Variants in PPP2R5E observed in about 807,000 individuals in gnomAD.
PPP2R5E encodes the protein serine/threonine-protein phosphatase 2A 56 kDa regulatory subunit epsilon isoform.
PPP2R5E carries 4 observed loss-of-function variants against 65.3 expected under a neutral mutation model. The observed-to-expected ratio is 0.06, with a 90% CI of 0.03 to 0.14. The LOEUF is 0.14. Among genes scored for constraint, PPP2R5E ranks in the 10% least tolerant of loss-of-function variants. PPP2R5E has a pLI of 1.00. For missense variants in PPP2R5E, 274 were observed against 556.1 expected (o/e 0.49, Z 5.10); for synonymous variants, 183 against 187.4 (o/e 0.98, Z 0.19).
chr14:63,398,085 C>G (rs1279262121), intron 5 of PPP2R5E, among the ~76,000 whole-genome samples: 2 of 152,158 alleles, frequency 1.3e-5, no homozygotes, highest in African/African-American at 2.4e-5. Context: ...TAACCAAATC[C>G]TGATAACATC....
chr14:63,404,381 T>G (rs1885949093), intron 5 of PPP2R5E, among the ~76,000 whole-genome samples: 1 of 152,220 alleles, frequency 6.6e-6, no homozygotes, highest in African/African-American at 2.4e-5. Context: ...TAAAATCAGA[T>G]GTCCACATTT....
intron 3 of PPP2R5E, among the ~76,000 whole-genome samples, chr14:63,439,625 C>T (rs1300316484): frequency 3.3e-5 from 5 of 152,212 alleles, no homozygotes; most frequent in African/African-American, 4.8e-5. Context: ...CCACCCTCCT[C>T]GGCCTCCCAA....
chr14:63,395,387 A>AGAGGAGGAG, intron 6 of PPP2R5E, 102 bp from the exon 7 acceptor site: 4 of 413,300 alleles, frequency 9.7e-6, no homozygotes, highest in South Asian at 9.5e-5. Context: ...GAGGAGGAGA[A>AGAGGAGGAG]GAGGAGGAGG....
At chr14:63,511,161 G>A (rs1306394551) in intron 2 of PPP2R5E, among the ~76,000 whole-genome samples, 1 of 152,220 alleles carries the variant, frequency 6.6e-6, no homozygotes, top group African/African-American at 2.4e-5. Flanking sequence ...AGCTGGACTT[G>A]TAACTCACTT....
Position 63,373,697 on chromosome 14 carries a change from A to G in PPP2R5E, c.*2312T>C, listed in dbSNP as rs899484154. Reference sequence around the variant, plus strand: ...ACTCTTGAAGACAGGGTAAGGTACAAAAAAGGATCCTGGCCTTTCTCATTT... The same window carrying G: ...ACTCTTGAAGACAGGGTAAGGTACAGAAAAGGATCCTGGCCTTTCTCATTT... On this transcript the variant is annotated 3_prime_UTR_variant, in exon 14 of 14. Coordinates refer to ENST00000337537, the MANE Select transcript of PPP2R5E (RefSeq NM_006246.5). The G allele has an allele frequency of 1.3e-5, 2 of 152,208 alleles. No individual in the cohort carries two copies. Among genetic ancestry groups the G allele is most frequent in the African/African-American group, 4.8e-5 (2 of 41,432 alleles). 9.4% of individuals were successfully genotyped at this position (152,208 alleles called of 1,614,324 possible). A position where few individuals can be genotyped will look rare whatever the true frequency, so the allele number is the denominator to read the frequency against.
At chr14:63,400,672 A>T (rs1158380078) in intron 5 of PPP2R5E, among the ~76,000 whole-genome samples, 1 of 114,286 alleles carries the variant, frequency 8.7e-6, no homozygotes, top group Non-Finnish European at 1.7e-5. Flanking sequence ...TCTATCTAGG[A>T]AAGAAAGGCA....
intron 3 of PPP2R5E, among the ~76,000 whole-genome samples, chr14:63,435,157 C>T (rs1477569898): frequency 6.6e-6 from 1 of 152,066 alleles, no homozygotes; most frequent in African/African-American, 2.4e-5. Flanking sequence ...GGGGTGATGA[C>T]TATACAAGTA....
chr14:63,430,868 G>A (rs985325034), intron 3 of PPP2R5E, among the ~76,000 whole-genome samples: 20 of 152,140 alleles, frequency 1.3e-4, no homozygotes, highest in African/African-American at 4.8e-4. Flanking sequence ...TTCCACTTCA[G>A]ACTAGGTATA....
intron 2 of PPP2R5E, among the ~76,000 whole-genome samples, chr14:63,489,697 T>C (rs4902229): frequency 0.33 from 49,755 of 151,944 alleles, 10,824 homozygotes; most frequent in African/African-American, 0.62. Context: ...CATGAGCTGC[T>C]GCGCCCAGCC....
At position 63,442,334 on chromosome 14, in the gene PPP2R5E, C is replaced by G. The variant is rs147963051; in HGVS notation, c.354+11355G>C. On this transcript the variant is annotated intron_variant, in intron 3 of 13. Transcript: ENST00000337537. The stretch of plus-strand genomic sequence containing the variant: ...TGTGCTTCTCAGATATCACTCATTT[C>G]TCTTCCATTATGTATAATTCTAATA... Among the ~76,000 whole-genome samples, 313 of 152,294 alleles carry G rather than the reference C, an allele frequency of 2.1e-3. 1 individual carries two copies. Among genetic ancestry groups the G allele is most frequent in the Non-Finnish European group, 3.2e-3 (216 of 68,032 alleles).
chr14:63,435,126 A>G (rs1042797278), intron 3 of PPP2R5E, among the ~76,000 whole-genome samples: 2 of 152,216 alleles, frequency 1.3e-5, no homozygotes, highest in African/African-American at 2.4e-5. Flanking sequence ...TGGGGAGATG[A>G]CAATGTTCCA....
chr14:63,540,502 G>A (rs1594987476), intron 1 of PPP2R5E, among the ~76,000 whole-genome samples: 1 of 150,102 alleles, frequency 6.7e-6, no homozygotes, highest in East Asian at 2.0e-4. Context: ...ATAACTTCAG[G>A]TTGGGAGTTC....
At position 63,374,210 on chromosome 14, in the gene PPP2R5E, CT is replaced by C. The variant is rs1465260474; in HGVS notation, c.*1798del. 6.6e-6 allele frequency: 1 copy of C among 151,600 alleles called. No individual in the cohort carries two copies. Among genetic ancestry groups the C allele is most frequent in the Non-Finnish European group, 1.5e-5 (1 of 67,950 alleles). 9.4% of individuals were successfully genotyped at this position (151,600 alleles called of 1,614,324 possible). A position where few individuals can be genotyped will look rare whatever the true frequency, so the allele number is the denominator to read the frequency against. On this transcript the variant is annotated 3_prime_UTR_variant, in exon 14 of 14. Transcript: ENST00000337537. Reference sequence around the variant, plus strand: ...ACTGTGACCTGATCATCCTGAAAAACTTTATGGGGGAGAAAGGTCAGCAGCT... The same window carrying C: ...ACTGTGACCTGATCATCCTGAAAAACTTATGGGGGAGAAAGGTCAGCAGCT...
intron 2 of PPP2R5E, among the ~76,000 whole-genome samples, chr14:63,526,916 T>C (rs533556362): frequency 2.6e-5 from 4 of 152,358 alleles, no homozygotes; most frequent in Admixed American, 2.6e-4. Flanking sequence ...ACGCCTGTAA[T>C]CCCAGCACTC....
intron 2 of PPP2R5E, among the ~76,000 whole-genome samples, chr14:63,479,623 C>T (rs1890592864): frequency 6.6e-6 from 1 of 152,154 alleles, no homozygotes; most frequent in Non-Finnish European, 1.5e-5. Flanking sequence ...CTGTTTAACT[C>T]AGTCTATGTA....
At chr14:63,494,534 T>C (rs1489833765) in intron 2 of PPP2R5E, among the ~76,000 whole-genome samples, 1 of 147,546 alleles carries the variant, frequency 6.8e-6, no homozygotes, top group Non-Finnish European at 1.5e-5. Flanking sequence ...CGCGCCCGGC[T>C]GTACAGCCAT....
At chr14:63,515,123 C>A (rs934527706) in intron 2 of PPP2R5E, among the ~76,000 whole-genome samples, 2 of 151,644 alleles carry the variant, frequency 1.3e-5, no homozygotes, top group Non-Finnish European at 2.9e-5. Context: ...AGCCCACCTG[C>A]AAAACTACTT....
intron 2 of PPP2R5E, among the ~76,000 whole-genome samples, chr14:63,501,122 G>A (rs965800750): frequency 6.6e-6 from 1 of 152,024 alleles, no homozygotes; most frequent in Non-Finnish European, 1.5e-5. Context: ...AATAAGGGCC[G>A]GGCGCAGTGG....
intron 5 of PPP2R5E, among the ~76,000 whole-genome samples, chr14:63,403,049 A>C (rs1285662453): frequency 6.6e-6 from 1 of 152,240 alleles, no homozygotes; most frequent in African/African-American, 2.4e-5. Flanking sequence ...CTTAATACCC[A>C]CACTGGAAGC....
Sources: gnomAD v4.1 joint callset for allele counts (sites outside exome capture counted in the v4.1 genomes callset) on GRCh38, gnomAD v4.1.1 for gene constraint, MANE v1.5 for transcripts, NCBI Gene and HGNC (gene_info 2026-07-23, HGNC 2026-07-21) for gene names.